Variants in ADGB observed in about 807,000 individuals in gnomAD.
ADGB encodes the protein calpain-7-like protein.
ADGB carries 172 observed loss-of-function variants against 210.5 expected under a neutral mutation model. The observed-to-expected ratio is 0.82, with a 90% CI of 0.72 to 0.93. The LOEUF (loss-of-function observed/expected upper bound fraction) is 0.93. Ranked by LOEUF, ADGB falls within the 40% of genes least tolerant of loss-of-function variation. The pLI, the probability that ADGB is intolerant of heterozygous loss-of-function variation, is 0.00. For missense variants in ADGB, 2,025 were observed against 1,964.8 expected (o/e 1.03, Z -0.58); for synonymous variants, 658 against 662.7 (o/e 0.99, Z 0.11).
intron 1 of ADGB, among the ~76,000 whole-genome samples, chr6:146,612,094 G>A (rs765825103): frequency 2.6e-5 from 4 of 151,970 alleles, no homozygotes; most frequent in Non-Finnish European, 4.4e-5. Context: ...GAAACATAAG[G>A]CACTGCAGCC....
At chr6:146,736,726 A>G (rs1583614567) in intron 23 of ADGB, 135 bp downstream of exon 23, 3 of 492,962 alleles carry the variant, frequency 6.1e-6, no homozygotes, top group Non-Finnish European at 1.1e-5. Context: ...ACCTTCCACA[A>G]TATTTTATCT....
intron 7 of ADGB, among the ~76,000 whole-genome samples, chr6:146,667,579 CTT>C (rs1491527849): frequency 6.6e-5 from 10 of 152,074 alleles, no homozygotes; most frequent in African/African-American, 2.4e-4. Flanking sequence ...GTCTCCCACA[CTT>C]ATATATATAC....
intron 1 of ADGB, among the ~76,000 whole-genome samples, chr6:146,616,697 C>T (rs527634019): frequency 4.8e-4 from 73 of 152,180 alleles, no homozygotes; most frequent in Non-Finnish European, 8.5e-4. Flanking sequence ...TTCTTTCCCT[C>T]AATGTATGTT....
chr6:146,644,702 T>G, intron 2 of ADGB, 71 bp from the exon 3 acceptor site: 1 of 990,460 alleles, frequency 1.0e-6, no homozygotes, highest in Middle Eastern at 3.4e-4. Context: ...CACTTATTTC[T>G]TTTTTATTAA....
intron 23 of ADGB, among the ~76,000 whole-genome samples, chr6:146,739,252 A>AGG (rs1037812854): frequency 5.0e-4 from 76 of 152,314 alleles, no homozygotes; most frequent in African/African-American, 1.8e-3. Flanking sequence ...TGTGATTTAC[A>AGG]GGGGTGTCAT....
intron 16 of ADGB, 139 bp from the exon 17 acceptor site, chr6:146,721,264 C>T: frequency 1.7e-6 from 1 of 595,492 alleles, no homozygotes; most frequent in Admixed American, 3.0e-5. Context: ...TAATTAGATT[C>T]ATAAAGTATT....
chr6:146,697,152 T>C (rs573051068), intron 12 of ADGB, among the ~76,000 whole-genome samples: 3 of 152,260 alleles, frequency 2.0e-5, no homozygotes, highest in South Asian at 4.1e-4. Flanking sequence ...CACTCACTAA[T>C]ATTTGAACAT....
Position 146,656,958 on chromosome 6 carries a change from A to C in ADGB, c.590A>C (p.Tyr197Ser). 6.4e-7 allele frequency: 1 copy of C among 1,551,238 alleles called. No individual in the cohort carries two copies. Among genetic ancestry groups the C allele is most frequent in the South Asian group, 1.2e-5 (1 of 84,024 alleles). ...CCTTTGTTCAATAGCTATGGAAAGT[A>C]TGTTGTGAAACTTTACTGGATGGTA... Reference protein sequence around the residue: ...HMPLFNSYGKYVVKLYWMGCW... With the variant: ...HMPLFNSYGKSVVKLYWMGCW... The change falls in exon 5 of 36, where the codon TAT becomes TCT. Residue 197 changes from tyrosine (Y) to serine (S), a missense_variant. By Grantham distance (144) the Tyr-to-Ser change is moderately radical (BLOSUM62 -2). Coordinates refer to ENST00000397944, the MANE Select transcript of ADGB (RefSeq NM_024694.4).
In ADGB at chr6:146,716,836, CTTG is replaced by C. The variant is rs1370167048; in HGVS notation, c.1742-44_1742-42del. ...TTTATCATTTTACATATTTCAATAACTTGTTATTTAACAATATAAGATGTGTTT... is the reference window on the plus strand; with the variant it reads ...TTTATCATTTTACATATTTCAATAACTTATTTAACAATATAAGATGTGTTT... On this transcript the variant is annotated intron_variant, in intron 14 of 35. Coordinates refer to ENST00000397944, the MANE Select transcript of ADGB (RefSeq NM_024694.4). The C allele has an allele frequency of 4.9e-6, 7 of 1,433,830 alleles. No individual in the cohort carries two copies. In the African/African-American group the frequency reaches 1.0e-4, roughly 21 times the overall value. The allele number at this position is 1,433,830 out of a possible 1,614,324, so 88.8% of individuals were successfully genotyped here. A position where few individuals can be genotyped will look rare whatever the true frequency, so the allele number is the denominator to read the frequency against.
Position 146,660,725 on chromosome 6 carries a change from C to T in ADGB, c.613-3476C>T, listed in dbSNP as rs76016838. 5.5e-3 allele frequency among the ~76,000 whole-genome samples: 834 copies of T among 152,176 alleles called. 24 individuals are homozygous for T. The East Asian group carries it at 0.08, about 15-fold the overall frequency. On this transcript the variant is annotated intron_variant, in intron 5 of 35. Transcript: ENST00000397944. ...TTCATCTTTATGTATATAGTCTTTG[C>T]CCATTTGTACGGACTTCTTTTTCTA...
chr6:146,728,359 A>G (rs1364171787), intron 19 of ADGB, among the ~76,000 whole-genome samples: 1 of 152,202 alleles, frequency 6.6e-6, no homozygotes, highest in African/African-American at 2.4e-5. Context: ...ATATGAGATG[A>G]ATATTCCTCC....
chr6:146,599,598 C>T lies in ADGB; in HGVS notation c.74+484C>T, dbSNP rs759737491. Among the ~76,000 whole-genome samples the T allele has an allele frequency of 8.5e-5, 13 of 152,244 alleles. 1 individual carries two copies. The highest frequency in any genetic ancestry group is 8.3e-4 in the South Asian group (4 of 4,820). On this transcript the variant is annotated intron_variant, in intron 1 of 35. Transcript: ENST00000397944. ...CGATCTTTAATCAGATATAGTCAGA[C>T]GTAAAGTGGCTTCTAAACCTTAAAA...
intron 17 of ADGB, among the ~76,000 whole-genome samples, chr6:146,722,487 A>G (rs966039289): frequency 3.9e-5 from 6 of 152,208 alleles, no homozygotes; most frequent in African/African-American, 1.4e-4. Context: ...TCAAGAGAGC[A>G]GCTGAATGTG....
rs546999436 is a variant in ADGB, at chr6:146,771,380, G to GA, written c.3862+2260dup. Among the ~76,000 whole-genome samples, 957 of 146,922 alleles carry GA rather than the reference G, an allele frequency of 6.5e-3. 5 individuals carry two copies. Among genetic ancestry groups the GA allele is most frequent in the African/African-American group, 0.017 (702 of 40,194 alleles). ...CACCAAGTTCTAATGGAAAATAAAT[G>GA]AAAAAAAAAAATCAGTTGTTTATGT... On this transcript the variant is annotated intron_variant, in intron 29 of 35. Coordinates refer to ENST00000397944, the MANE Select transcript of ADGB (RefSeq NM_024694.4).
intron 9 of ADGB, among the ~76,000 whole-genome samples, chr6:146,677,309 T>G (rs1219432628): frequency 1.3e-5 from 2 of 152,174 alleles, no homozygotes; most frequent in East Asian, 3.8e-4. Context: ...GCTTCCAGAG[T>G]GCAGGTTATC....
At chr6:146,599,937 T>G (rs73588031) in intron 1 of ADGB, among the ~76,000 whole-genome samples, 3,188 of 152,294 alleles carry the variant, frequency 0.021, 115 homozygotes, top group African/African-American at 0.072. Context: ...GGGAGGGCGA[T>G]GCAATCAATC....
chr6:146,670,900 T>A (rs752964029), intron 7 of ADGB, among the ~76,000 whole-genome samples: 9 of 152,208 alleles, frequency 5.9e-5, no homozygotes, highest in Admixed American at 1.3e-4. Context: ...AAACCTATAG[T>A]TTAATTCCTG....
chr6:146,670,732 C>T (rs988587427), intron 7 of ADGB, among the ~76,000 whole-genome samples: 1 of 152,046 alleles, frequency 6.6e-6, no homozygotes, highest in African/African-American at 2.4e-5. Context: ...TTGTTTTGCT[C>T]AATGTAGTGC....
In ADGB at chr6:146,711,567, G is replaced by A. The variant is rs117100447; in HGVS notation, c.1708-3815G>A. Among the ~76,000 whole-genome samples, 1,424 of 152,238 alleles carry A rather than the reference G, an allele frequency of 9.4e-3. 10 individuals are homozygous for A. Among genetic ancestry groups the A allele is most frequent in the Admixed American group, 0.015 (228 of 15,290 alleles). On this transcript the variant is annotated intron_variant, in intron 13 of 35. Transcript: ENST00000397944. ...CTTCCTAAGAAAAGATGTACAGGAA[G>A]TAAAATTTATGAGCACTTGCATGCT...
Sources: allele counts gnomAD v4.1 joint callset (sites outside exome capture counted in the v4.1 genomes callset), GRCh38; gene constraint gnomAD v4.1.1; transcripts MANE v1.5; gene names NCBI Gene and HGNC (gene_info 2026-07-23, HGNC 2026-07-21).